Variants in MACROD2 observed in about 807,000 individuals in gnomAD.
MACROD2 encodes mono-ADP ribosylhydrolase 2.
Under a neutral mutation model 70.4 loss-of-function variants are expected in MACROD2, and 36 were observed. The ratio of observed to expected loss-of-function variants is 0.51; its 90% CI spans 0.39 to 0.68. The LOEUF is 0.68. Ranked by LOEUF, MACROD2 falls within the 30% of genes least tolerant of loss-of-function variation. The probability of loss-of-function intolerance (pLI) is 0.00; values close to 1 mark genes in which losing one functional copy is unlikely to be tolerated. For synonymous variants in MACROD2, 172 were observed against 178.8 expected (o/e 0.96, Z 0.30); for missense variants, 496 against 538.4 (o/e 0.92, Z 0.78).
intron 5 of MACROD2, among the ~76,000 whole-genome samples, chr20:15,222,589 A>G (rs1409751701): frequency 6.6e-6 from 1 of 152,192 alleles, no homozygotes; most frequent in Non-Finnish European, 1.5e-5. Flanking sequence ...AAATTCATGC[A>G]ATTTGATATG....
At chr20:15,427,375 G>A (rs1459353361) in intron 6 of MACROD2, among the ~76,000 whole-genome samples, 1 of 152,186 alleles carries the variant, frequency 6.6e-6, no homozygotes, top group Non-Finnish European at 1.5e-5. Flanking sequence ...GTCATTAACT[G>A]TGCAGTATGT....
intron 5 of MACROD2, among the ~76,000 whole-genome samples, chr20:14,720,136 G>A (rs1236297380): frequency 6.6e-6 from 1 of 152,080 alleles, no homozygotes; most frequent in Admixed American, 6.6e-5. Context: ...CAAATATAGT[G>A]ATCACTACAC....
chr20:14,924,848 C>T (rs774923952), intron 5 of MACROD2, among the ~76,000 whole-genome samples: 21 of 152,112 alleles, frequency 1.4e-4, no homozygotes, highest in Non-Finnish European at 3.1e-4. Flanking sequence ...ATCATTAAAA[C>T]ATATTAAAAA....
chr20:15,060,172 G>A (rs1374674416), intron 5 of MACROD2, among the ~76,000 whole-genome samples: 4 of 152,132 alleles, frequency 2.6e-5, no homozygotes, highest in South Asian at 4.1e-4. Flanking sequence ...TGTATATAAC[G>A]TTTCAAGTTG....
chr20:15,657,623 A>G (rs1568956855), intron 8 of MACROD2, among the ~76,000 whole-genome samples: 1 of 152,214 alleles, frequency 6.6e-6, no homozygotes, highest in African/African-American at 2.4e-5. Flanking sequence ...TAATGATTAA[A>G]TGGGCTACAG....
intron 3 of MACROD2, among the ~76,000 whole-genome samples, chr20:14,250,225 T>G (rs1349384341): frequency 6.6e-6 from 1 of 152,060 alleles, no homozygotes; most frequent in African/African-American, 2.4e-5. Context: ...GTTGAGAGGA[T>G]GTACTGTCCC....
intron 8 of MACROD2, among the ~76,000 whole-genome samples, chr20:15,585,283 C>T (rs369817482): frequency 5.2e-4 from 79 of 151,818 alleles, no homozygotes; most frequent in Middle Eastern, 6.8e-3. Flanking sequence ...CTGCAACCTC[C>T]GCCTCCTGGG....
chr20:15,797,560 T>C (rs955192291), intron 8 of MACROD2, among the ~76,000 whole-genome samples: 10 of 152,290 alleles, frequency 6.6e-5, no homozygotes, highest in Non-Finnish European at 4.4e-5. Flanking sequence ...GCTTCTTAGA[T>C]ATATCCCCAG....
At chr20:15,551,675 C>G (rs62195573) in intron 8 of MACROD2, among the ~76,000 whole-genome samples, 11,251 of 151,932 alleles carry the variant, frequency 0.074, 473 homozygotes, top group South Asian at 0.14. Context: ...TAGAGACCAG[C>G]CTGGGCAACA....
At chr20:14,369,910 T>C (rs924573408) in intron 3 of MACROD2, among the ~76,000 whole-genome samples, 4 of 152,200 alleles carry the variant, frequency 2.6e-5, no homozygotes, top group African/African-American at 9.6e-5. Flanking sequence ...AAATAATCTT[T>C]TTGCAAGTTT....
intron 5 of MACROD2, among the ~76,000 whole-genome samples, chr20:15,210,693 A>G (rs183296193): frequency 4.9e-4 from 74 of 151,738 alleles, no homozygotes; most frequent in Admixed American, 1.6e-3. Flanking sequence ...ATGGGGGCAG[A>G]TTTCCCCCTT....
rs937087692 is a variant in MACROD2, at chr20:15,579,185, C to T, written c.645+79338C>T. 3.9e-5 allele frequency among the ~76,000 whole-genome samples: 6 copies of T among 152,266 alleles called. No individual in the cohort carries two copies. In the South Asian group the frequency reaches 1.2e-3, roughly 32 times the overall value. On this transcript the variant is annotated intron_variant, in intron 8 of 17. Transcript: ENST00000684519. ...GCAACTGTGGCATCACCAGCCTCAT[C>T]TTGCCTGTCTAGAGCAGAGCAGAGC...
chr20:14,490,856 A>G (rs1239927564), intron 3 of MACROD2, among the ~76,000 whole-genome samples: 1 of 152,158 alleles, frequency 6.6e-6, no homozygotes, highest in East Asian at 1.9e-4. Flanking sequence ...CTTTCTTCAC[A>G]AACTTCAGTA....
rs1568634216 is a variant in MACROD2, at chr20:15,910,393, C to CGTGTGTGT, written c.776-22883_776-22882insGTGTGTGT. On this transcript the variant is annotated intron_variant, in intron 10 of 17. Transcript: ENST00000684519. ...ATTGTGATGTGGCCAAGTCAGAGGA[C>CGTGTGTGT]ATGTGTGTGTGTGTGTGTGTGTGTG... is the stretch of plus-strand genomic sequence containing the variant. Among the ~76,000 whole-genome samples, 913 of 105,776 alleles carry CGTGTGTGT rather than the reference C, an allele frequency of 8.6e-3. 9 individuals carry two copies. The highest frequency in any genetic ancestry group is 0.044 in the Admixed American group (372 of 8,388). The allele number at this position is 105,776 out of a possible 152,430, so 69.4% of individuals were successfully genotyped here.
intron 2 of MACROD2, among the ~76,000 whole-genome samples, chr20:14,042,918 G>GTTT (rs573192408): frequency 2.1e-5 from 3 of 141,266 alleles, no homozygotes; most frequent in Non-Finnish European, 1.5e-5. Context: ...CAGGTGGTGG[G>GTTT]TTTTTTTTTT....
chr20:15,332,586 TTACAGCCCCTTTGAAAGAGGCCGTTCC>T (rs1435023485), intron 6 of MACROD2, among the ~76,000 whole-genome samples: 2 of 46,956 alleles, frequency 4.3e-5, no homozygotes, highest in Admixed American at 2.0e-4. Flanking sequence ...GAGGCTGTTC[TTACAGCCCCTTTGAAAGAGGCCGTTCC>T]TACAGCCCCT....
At chr20:15,046,245 T>C (rs1411185641) in intron 5 of MACROD2, among the ~76,000 whole-genome samples, 1 of 152,164 alleles carries the variant, frequency 6.6e-6, no homozygotes, top group Non-Finnish European at 1.5e-5. Context: ...AGACAACATA[T>C]GGATCAGTAA....
At chr20:14,720,569 T>TTTTGTG (rs531072431) in intron 5 of MACROD2, among the ~76,000 whole-genome samples, 6 of 84,156 alleles carry the variant, frequency 7.1e-5, no homozygotes, top group Non-Finnish European at 1.2e-4. Flanking sequence ...TTTTTTTTTT[T>TTTTGTG]TGTGAGGCAG....
At chr20:14,250,402 TATTA>T (rs1350932206) in intron 3 of MACROD2, among the ~76,000 whole-genome samples, 1 of 152,134 alleles carries the variant, frequency 6.6e-6, no homozygotes, top group Non-Finnish European at 1.5e-5. Context: ...TGATAACCAT[TATTA>T]ATTTCTTTTG....
Sources: gnomAD v4.1 joint callset for allele counts (sites outside exome capture counted in the v4.1 genomes callset) on GRCh38, gnomAD v4.1.1 for gene constraint, MANE v1.5 for transcripts, NCBI Gene and HGNC (gene_info 2026-07-23, HGNC 2026-07-21) for gene names.